The following PHEX variants were observed in gnomAD, a reference collection of about 807,000 sequenced individuals.
PHEX encodes the protein phosphate-regulating neutral endopeptidase PHEX.
PHEX carries 16 observed loss-of-function variants against 68.0 expected under a neutral mutation model. The ratio of observed to expected loss-of-function variants is 0.24; its 90% confidence interval spans 0.16 to 0.36. The LOEUF (loss-of-function observed/expected upper bound fraction) is 0.36, where lower values mean the gene tolerates loss of function less well. Ranked by LOEUF, PHEX falls within the 10% of genes least tolerant of loss-of-function variation. PHEX has a pLI of 1.00. For missense variants in PHEX, 480 were observed against 575.5 expected, an observed-to-expected ratio of 0.83 and a Z score of 1.70; for synonymous variants, 208 against 205.1, an observed-to-expected ratio of 1.01 and a Z score of -0.12.
chrX:22,209,956 T>TA (rs1273320699), intron 15 of PHEX, among the ~76,000 whole-genome samples: 4 of 104,651 alleles, frequency 3.8e-5, no homozygotes, highest in African/African-American at 1.4e-4. Context: ...AAAAAAAAAA[T>TA]AAATAAATAA....
chrX:22,048,508 A>G (rs1323277516), intron 3 of PHEX, among the ~76,000 whole-genome samples: 1 of 111,704 alleles, frequency 9.0e-6, no homozygotes, highest in African/African-American at 3.3e-5. Flanking sequence ...GCGCACAGTC[A>G]TGCATACAGA....
At chrX:22,090,767 G>T (rs186702335) in intron 6 of PHEX, among the ~76,000 whole-genome samples, 4 of 112,177 alleles carry the variant, frequency 3.6e-5, no homozygotes, top group East Asian at 5.6e-4. Context: ...AAATGAGCTT[G>T]CAGTCATTCA....
Position 22,047,111 on chromosome X carries a change from C to A in PHEX, c.249C>A (p.Phe83Leu). Residue 83 changes from phenylalanine to leucine, a missense_variant, in exon 3 of 22, where the codon TTC becomes TTA. By Grantham distance (22) the Phe-to-Leu change is conservative. Coordinates refer to ENST00000379374, the MANE Select transcript of PHEX (RefSeq NM_000444.6). ...SVDPCDNFFR[F>L]ACDGWISNNP... ...ATCCTTGTGATAATTTCTTCCGGTTCGCTTGTGATGGCTGGATAAGCAATA... is the reference window on the plus strand; with the variant it reads ...ATCCTTGTGATAATTTCTTCCGGTTAGCTTGTGATGGCTGGATAAGCAATA... The A allele has an allele frequency of 8.3e-7, 1 of 1,205,458 alleles. No individual in the cohort carries two copies. The highest frequency in any genetic ancestry group is 1.1e-6 in the Non-Finnish European group (1 of 889,882).
chrX:22,055,210 A>AAAAAAAAAAC (rs1928040383), intron 3 of PHEX, among the ~76,000 whole-genome samples: 1 of 74,295 alleles, frequency 1.3e-5, no homozygotes, highest in Non-Finnish European at 2.5e-5. Flanking sequence ...AAAAAAAAAA[A>AAAAAAAAAAC]AAAAACAGAC....
At chrX:22,118,682 G>A (rs2285065) in intron 11 of PHEX, among the ~76,000 whole-genome samples, 24,366 of 110,353 alleles carry the variant, frequency 0.22, 1,982 homozygotes, top group Middle Eastern at 0.25. Flanking sequence ...AAGAGTGAGT[G>A]GGAGAGAGCA....
At chrX:22,227,637 A>AGGGATGAGAT (rs1935554446) in intron 20 of PHEX, 26 bp downstream of exon 20, 2 of 1,023,006 alleles carry the variant, frequency 2.0e-6, no homozygotes, top group Non-Finnish European at 1.4e-6. Context: ...AAGGGGCATC[A>AGGGATGAGAT]GGGATGAGAT....
chrX:22,221,901 A>G (rs1003301847), intron 18 of PHEX, among the ~76,000 whole-genome samples, 158 bp downstream of exon 18: 2 of 111,917 alleles, frequency 1.8e-5, no homozygotes, highest in African/African-American at 6.5e-5. Context: ...ATACCTGCTG[A>G]ATCAGAATCT....
At chrX:22,201,072 A>G (rs770673537) in intron 15 of PHEX, among the ~76,000 whole-genome samples, 102 of 112,199 alleles carry the variant, frequency 9.1e-4, no homozygotes, top group African/African-American at 3.2e-3. Flanking sequence ...TGAGATTTTA[A>G]AAGTTTTGTT....
rs1211559578 is a variant in PHEX, at chrX:22,231,980, A to G, written c.2070+4369A>G. Among the ~76,000 whole-genome samples the G allele has an allele frequency of 5.4e-5, 6 of 111,525 alleles. No individual in the cohort carries two copies. In the East Asian group the frequency reaches 1.4e-3, roughly 26 times the overall value. On this transcript the variant is annotated intron_variant, in intron 20 of 21. Transcript: ENST00000379374. ...TCTGGTACATTGTGTCTTTGTTCTCACTGGTTTCAAAGAACATCTTTATTT... is the reference window on the plus strand; with the variant it reads ...TCTGGTACATTGTGTCTTTGTTCTCGCTGGTTTCAAAGAACATCTTTATTT...
chrX:22,127,599 A>G (rs1931789700), intron 11 of PHEX, among the ~76,000 whole-genome samples: 1 of 111,170 alleles, frequency 9.0e-6, no homozygotes, highest in African/African-American at 3.3e-5. Context: ...ATGTCAACCA[A>G]TGAAATTAAT....
chrX:22,197,812 G>A (rs1440259572), intron 15 of PHEX, among the ~76,000 whole-genome samples: 4 of 110,656 alleles, frequency 3.6e-5, no homozygotes, highest in African/African-American at 1.3e-4. Context: ...TGGTTTAGTG[G>A]TTAAGGGTGT....
At chrX:22,096,761 A>G (rs1930152847) in intron 7 of PHEX, among the ~76,000 whole-genome samples, 194 bp from the exon 8 acceptor site, 1 of 111,976 alleles carries the variant, frequency 8.9e-6, no homozygotes, top group Non-Finnish European at 1.9e-5. Context: ...TTTCACACAG[A>G]GGAGGATATG....
rs192572416 is a variant in PHEX, at chrX:22,058,200, A to G, written c.349+10989A>G. ...GGGTTCTGAGAAAAGAAAAAAAAAA[A>G]GGGATTCTGCCACTTATCAGCTGTG... On this transcript the variant is annotated intron_variant, in intron 3 of 21. Transcript: ENST00000379374. Among the ~76,000 whole-genome samples, 619 of 110,927 alleles carry G rather than the reference A, an allele frequency of 5.6e-3. 20 individuals are homozygous for G. The highest frequency in any genetic ancestry group is 0.049 in the Admixed American group (507 of 10,410).
intron 3 of PHEX, 85 bp downstream of exon 3, chrX:22,047,296 C>T: frequency 1.2e-6 from 1 of 802,354 alleles, no homozygotes; most frequent in South Asian, 2.1e-5. Flanking sequence ...TGAAGCATGA[C>T]TTCTCACTTT....
At position 22,075,049 on chromosome X, in the gene PHEX, C is replaced by T. The variant is rs774372145; in HGVS notation, c.350-1339C>T. On this transcript the variant is annotated intron_variant, in intron 3 of 21. Transcript: ENST00000379374. The stretch of plus-strand genomic sequence containing the variant: ...CTGAGATCCTGCCACTGCACTCCAG[C>T]TTGGGTGACAGAGTGATACTCTGTT... 5.5e-3 allele frequency among the ~76,000 whole-genome samples: 522 copies of T among 94,539 alleles called. 2 individuals are homozygous for T. Among genetic ancestry groups the T allele is most frequent in the African/African-American group, 0.02 (486 of 24,298 alleles). 82.1% of individuals were successfully genotyped at this position (94,539 alleles called of 115,157 possible). A position where few individuals can be genotyped will look rare whatever the true frequency, so the allele number is the denominator to read the frequency against.
intron 3 of PHEX, among the ~76,000 whole-genome samples, chrX:22,067,957 C>G (rs111918798): frequency 9.1e-6 from 1 of 109,813 alleles, no homozygotes; most frequent in Non-Finnish European, 1.9e-5. Context: ...CTCAGCCTCC[C>G]GAGTAGCTAG....
At chrX:22,246,817 C>T (rs1263459984) in intron 21 of PHEX, among the ~76,000 whole-genome samples, 1 of 111,897 alleles carries the variant, frequency 8.9e-6, no homozygotes, top group East Asian at 2.8e-4. Flanking sequence ...TATGCAAATG[C>T]CCGTAGGTAA....
intron 4 of PHEX, 36 bp downstream of exon 4, chrX:22,076,510 A>G (rs1413660889): frequency 2.3e-6 from 2 of 883,457 alleles, no homozygotes; most frequent in Non-Finnish European, 3.3e-6. Context: ...AATATTTACC[A>G]TCCCTATCCT....
intron 14 of PHEX, among the ~76,000 whole-genome samples, chrX:22,179,637 C>T (rs944781018): frequency 1.8e-5 from 2 of 111,950 alleles, no homozygotes; most frequent in Non-Finnish European, 3.8e-5. Flanking sequence ...ATCCAGGTTG[C>T]TGTGAATGCC....
Sources: gnomAD v4.1 joint callset for allele counts (sites outside exome capture counted in the v4.1 genomes callset) on GRCh38, gnomAD v4.1.1 for gene constraint, MANE v1.5 for transcripts, NCBI Gene and HGNC (gene_info 2026-07-23, HGNC 2026-07-21) for gene names.